The following SLC25A18 variants were observed in gnomAD, a reference collection of about 807,000 sequenced individuals.
SLC25A18 encodes mitochondrial glutamate carrier 2.
SLC25A18 carries 24 observed loss-of-function variants against 31.1 expected under a neutral mutation model. That is an observed-to-expected ratio of 0.77 (90% CI 0.56 to 1.08). The LOEUF is 1.08. SLC25A18 is among the 50% of genes least tolerant of loss of function. The pLI, the probability that SLC25A18 is intolerant of heterozygous loss-of-function variation, is 0.00. For synonymous variants in SLC25A18, 173 were observed against 161.9 expected (o/e 1.07, Z -0.52); for missense variants, 371 against 418.5 (o/e 0.89, Z 0.99).
At chr22:17,588,147 C>T (rs757533582) in intron 9 of SLC25A18, 68 bp downstream of exon 9, 8 of 1,578,774 alleles carry the variant, frequency 5.1e-6, no homozygotes, top group Middle Eastern at 1.8e-4. Flanking sequence ...GATAAAACAG[C>T]CTGACCCTGG....
chr22:17,585,644 A>ATTTT (rs1374922417), intron 7 of SLC25A18, among the ~76,000 whole-genome samples: 8 of 133,354 alleles, frequency 6.0e-5, no homozygotes, highest in African/African-American at 2.2e-4. Flanking sequence ...TATTATTATT[A>ATTTT]TTATTATTTT....
chr22:17,579,835 C>A lies in SLC25A18; in HGVS notation c.-110C>A. 6.6e-7 allele frequency: 1 copy of A among 1,511,838 alleles called. No homozygotes were observed. The highest frequency in any genetic ancestry group is 2.1e-5 in the Admixed American group (1 of 47,406). 93.7% of individuals were successfully genotyped at this position (1,511,838 alleles called of 1,614,324 possible). On this transcript the variant is annotated 5_prime_UTR_variant, in exon 3 of 11. Transcript: ENST00000327451. ...CAAAACCCGTGCTCTGTCCACACTG[C>A]TACGGGGCCAGAGCCAAGGAAGCTT...
chr22:17,586,750 AT>A, intron 7 of SLC25A18, among the ~76,000 whole-genome samples: 1 of 152,286 alleles, frequency 6.6e-6, no homozygotes, highest in African/African-American at 2.4e-5. Flanking sequence ...CTGCAAAAAA[AT>A]AAATAAAATA....
chr22:17,569,856 G>A (rs747759211), intron 1 of SLC25A18, 68 bp from the exon 2 acceptor site: 40 of 985,630 alleles, frequency 4.1e-5, no homozygotes, highest in Non-Finnish European at 4.6e-5. Context: ...GGCAGAGGGA[G>A]GGAAACTGAC....
rs952214188 is a variant in SLC25A18, at chr22:17,590,192, T to C, written c.904T>C (p.Tyr302His). ...APLFGIAQGV[Y>H]FIGIGERILK... ...TCTCTTTGGGATTGCTCAAGGGGTC[T>C]ATTTTATTGGGATTGGAGAGCGCAT... Residue 302 changes from tyrosine to histidine, a missense_variant, in exon 11 of 11, where the codon TAT becomes CAT. Coordinates refer to ENST00000327451, the MANE Select transcript of SLC25A18 (RefSeq NM_031481.3). The C allele has an allele frequency of 2.5e-6, 4 of 1,614,114 alleles. No individual in the cohort carries two copies. The African/African-American group carries it at 5.3e-5, about 22-fold the overall frequency.
chr22:17,580,014 G>A (rs774427028), intron 3 of SLC25A18, 50 bp downstream of exon 3: 1 of 1,572,878 alleles, frequency 6.4e-7, no homozygotes, highest in East Asian at 2.3e-5. Context: ...GCCTGGCGGA[G>A]AGTCGCTGTG....
At chr22:17,586,630 A>G (rs2146273157) in intron 7 of SLC25A18, among the ~76,000 whole-genome samples, 1 of 152,342 alleles carries the variant, frequency 6.6e-6, no homozygotes, top group Non-Finnish European at 1.5e-5. Context: ...AAATACAAAA[A>G]TCAGCCAGGT....
intron 2 of SLC25A18, among the ~76,000 whole-genome samples, chr22:17,570,553 C>CTT (rs2057059366): frequency 6.6e-6 from 1 of 152,202 alleles, no homozygotes; most frequent in Non-Finnish European, 1.5e-5. Context: ...GGCATGATGG[C>CTT]GGCTCACCGC....
chr22:17,589,688 AT>A (rs750709871), intron 10 of SLC25A18, 23 bp downstream of exon 10: 28 of 1,611,932 alleles, frequency 1.7e-5, no homozygotes, highest in Non-Finnish European at 2.3e-5. Context: ...GTCCCCTCAA[AT>A]GGTGGCTGGG....
intron 1 of SLC25A18, among the ~76,000 whole-genome samples, chr22:17,565,421 T>G (rs2056911367): frequency 1.3e-5 from 2 of 152,020 alleles, no homozygotes; most frequent in African/African-American, 4.8e-5. Context: ...CTTGCCAAGT[T>G]GAAGTGCAGT....
intron 1 of SLC25A18, among the ~76,000 whole-genome samples, chr22:17,568,222 C>G (rs1390105254): frequency 6.6e-6 from 1 of 151,782 alleles, no homozygotes; most frequent in East Asian, 2.0e-4. Context: ...AAAAAGTTAG[C>G]CGGGTGTGGT....
chr22:17,583,851 G>T (rs2146261025), intron 7 of SLC25A18, among the ~76,000 whole-genome samples: 1 of 152,234 alleles, frequency 6.6e-6, no homozygotes, highest in East Asian at 1.9e-4. Flanking sequence ...GGCTGAGGCA[G>T]GAGAATCACT....
At chr22:17,582,436 A>T in intron 5 of SLC25A18, 127 bp from the exon 6 acceptor site, 1 of 617,148 alleles carries the variant, frequency 1.6e-6, no homozygotes, top group Non-Finnish European at 2.8e-6. Context: ...AATTAGGCTC[A>T]GGAGCCCCAC....
rs144773019 is a variant in SLC25A18 at position 17,587,294 on chromosome 22, C to A, written c.568C>A (p.Leu190Ile). Residue 190 changes from leucine (L) to isoleucine (I), a missense_variant, in exon 8 of 11, where the codon CTC becomes ATC. Coordinates refer to ENST00000327451, the MANE Select transcript of SLC25A18 (RefSeq NM_031481.3). ...GCTCTACAGGGGCCTGGGTGCCACT[C>A]TCCTCAGGTGAGCCTTTCTTCCGGT... ...AGLYRGLGAT[L>I]LRDIPFSIIY... is the part of the protein sequence containing the mutation. 6.2e-7 allele frequency: 1 copy of A among 1,612,006 alleles called. No individual in the cohort carries two copies. The highest frequency in any genetic ancestry group is 8.5e-7 in the Non-Finnish European group (1 of 1,179,562).
At chr22:17,573,298 G>T (rs1392655980) in intron 2 of SLC25A18, among the ~76,000 whole-genome samples, 2 of 152,154 alleles carry the variant, frequency 1.3e-5, no homozygotes, top group Non-Finnish European at 2.9e-5. Flanking sequence ...GGGGTGGCCG[G>T]AGTAGCCTCT....
intron 1 of SLC25A18, among the ~76,000 whole-genome samples, chr22:17,566,979 T>G (rs2056953325): frequency 6.6e-6 from 1 of 152,114 alleles, no homozygotes; most frequent in Non-Finnish European, 1.5e-5. Context: ...TAGGGCAACA[T>G]GGCAAAACCG....
chr22:17,582,538 T>A, intron 5 of SLC25A18, 25 bp from the exon 6 acceptor site: 1 of 1,560,906 alleles, frequency 6.4e-7, no homozygotes, highest in Non-Finnish European at 8.7e-7. Context: ...TGGCCTTGAC[T>A]CCCCATCTTG....
intron 1 of SLC25A18, among the ~76,000 whole-genome samples, chr22:17,564,661 A>G (rs1439979257): frequency 1.3e-5 from 2 of 152,086 alleles, no homozygotes; most frequent in Non-Finnish European, 1.5e-5. Context: ...AGAGATGGAG[A>G]CCATCCTGGC....
At chr22:17,566,473 C>T (rs185605777) in intron 1 of SLC25A18, among the ~76,000 whole-genome samples, 19 of 152,036 alleles carry the variant, frequency 1.2e-4, no homozygotes, top group African/African-American at 3.9e-4. Flanking sequence ...AGTGCAATGG[C>T]GCAATCTCGG....
Sources: allele counts gnomAD v4.1 joint callset (sites outside exome capture counted in the v4.1 genomes callset), GRCh38; gene constraint gnomAD v4.1.1; transcripts MANE v1.5; gene names NCBI Gene and HGNC (gene_info 2026-07-23, HGNC 2026-07-21).